SRGAP3: variants seen among roughly 807,000 people sequenced by gnomAD.
SRGAP3 encodes the protein SLIT-ROBO Rho GTPase-activating protein 3.
In SRGAP3, 39 loss-of-function variants were observed where a neutral mutation model predicts 121.1. The ratio of observed to expected loss-of-function variants is 0.32; its 90% CI spans 0.25 to 0.42. SRGAP3 has a LOEUF of 0.42. Ranked by LOEUF, SRGAP3 falls within the 10% of genes least tolerant of loss-of-function variation. The probability of loss-of-function intolerance (pLI) is 1.00; values close to 1 mark genes in which losing one functional copy is unlikely to be tolerated. For missense variants in SRGAP3, 1,213 were observed against 1,470.6 expected (o/e 0.82, Z 2.86); for synonymous variants, 601 against 570.0 (o/e 1.05, Z -0.77).
intron 10 of SRGAP3, among the ~76,000 whole-genome samples, chr3:9,041,521 T>C (rs942088193): frequency 7.2e-5 from 11 of 152,258 alleles, no homozygotes; most frequent in African/African-American, 2.4e-4. Context: ...TTTAACTCTT[T>C]TATCAACTCA....
intron 3 of SRGAP3, among the ~76,000 whole-genome samples, chr3:9,267,584 C>T (rs919904718): frequency 7.2e-5 from 11 of 152,174 alleles, no homozygotes; most frequent in Admixed American, 4.6e-4. Flanking sequence ...CTCTGAGAAG[C>T]TGAGTCCTGT....
At chr3:9,054,141 C>G (rs561611106) in intron 8 of SRGAP3, among the ~76,000 whole-genome samples, 7 of 152,242 alleles carry the variant, frequency 4.6e-5, no homozygotes, top group African/African-American at 1.7e-4. Context: ...AATTCTAAGC[C>G]CCCAGCCATC....
At chr3:9,277,909 G>C (rs1954613364) in intron 3 of SRGAP3, among the ~76,000 whole-genome samples, 2 of 152,190 alleles carry the variant, frequency 1.3e-5, no homozygotes, top group Non-Finnish European at 2.9e-5. Context: ...GCTCAAGGGG[G>C]TGAAGCCCTC....
At chr3:9,343,624 A>T (rs929570771) in intron 1 of SRGAP3, among the ~76,000 whole-genome samples, 9 of 152,202 alleles carry the variant, frequency 5.9e-5, no homozygotes, top group Non-Finnish European at 1.3e-4. Flanking sequence ...ATGAATAGGC[A>T]TACATCTTTA....
chr3:9,008,866 C>T (rs190382371), intron 18 of SRGAP3, among the ~76,000 whole-genome samples: 1 of 152,120 alleles, frequency 6.6e-6, no homozygotes, highest in South Asian at 2.1e-4. Context: ...CACCCCAGGA[C>T]CTCTCTTGGA....
chr3:9,328,764 C>T (rs1001697115), intron 2 of SRGAP3, among the ~76,000 whole-genome samples: 1 of 152,220 alleles, frequency 6.6e-6, no homozygotes, highest in Admixed American at 6.5e-5. Context: ...AAGGGCAGAA[C>T]CTTAGCTACC....
intron 1 of SRGAP3, among the ~76,000 whole-genome samples, chr3:9,205,270 A>AT (rs1341724034): frequency 6.6e-6 from 1 of 152,260 alleles, no homozygotes; most frequent in Non-Finnish European, 1.5e-5. Context: ...CCAAAATAGT[A>AT]TTACTTTAAC....
chr3:9,069,933 C>A (rs995481146), intron 4 of SRGAP3, among the ~76,000 whole-genome samples: 1 of 151,828 alleles, frequency 6.6e-6, no homozygotes, highest in African/African-American at 2.4e-5. Context: ...GGCGACAGAG[C>A]GAGACTCCAT....
rs1309769782 is a variant in SRGAP3 at position 8,983,690 on chromosome 3, C to A, written c.*1829G>T. On this transcript the variant is annotated 3_prime_UTR_variant, in exon 22 of 22. Coordinates refer to ENST00000383836, the MANE Select transcript of SRGAP3 (RefSeq NM_014850.4). Reference sequence around the variant, plus strand: ...GGGCTCTGATCTAAGACTTACCTTACTAATGATAATCACAAACGCATTGTA... The same window carrying A: ...GGGCTCTGATCTAAGACTTACCTTAATAATGATAATCACAAACGCATTGTA... The A allele has an allele frequency of 4.3e-6, 1 of 231,118 alleles. No homozygotes were observed. Among genetic ancestry groups the A allele is most frequent in the Non-Finnish European group, 8.6e-6 (1 of 116,820 alleles). 14.3% of individuals were successfully genotyped at this position (231,118 alleles called of 1,614,324 possible). A position where few individuals can be genotyped will look rare whatever the true frequency, so the allele number is the denominator to read the frequency against.
intron 1 of SRGAP3, among the ~76,000 whole-genome samples, chr3:9,175,007 G>C (rs1026169445): frequency 2.6e-5 from 4 of 152,158 alleles, no homozygotes; most frequent in African/African-American, 9.7e-5. Flanking sequence ...AGCACTCAGT[G>C]CATGCAGGCA....
At chr3:9,280,695 A>G (rs1954659255) in intron 3 of SRGAP3, among the ~76,000 whole-genome samples, 1 of 152,244 alleles carries the variant, frequency 6.6e-6, no homozygotes, top group East Asian at 1.9e-4. Flanking sequence ...TGACTCTGCA[A>G]TGCCGGATAT....
At chr3:9,043,589 T>A (rs983654495) in intron 10 of SRGAP3, among the ~76,000 whole-genome samples, 12 of 152,038 alleles carry the variant, frequency 7.9e-5, no homozygotes, top group African/African-American at 2.7e-4. Context: ...ACATTCCAGC[T>A]CTCAAGAATC....
At position 9,006,410 on chromosome 3, in the gene SRGAP3, A is replaced by AAAGAAAAGAAAAG. The variant is rs1297112569; in HGVS notation, c.2227+3897_2227+3898insCTTTTCTTTTCTT. Among the ~76,000 whole-genome samples the AAAGAAAAGAAAAG allele has an allele frequency of 2.7e-3, 406 of 151,434 alleles. 6 individuals are homozygous for AAAGAAAAGAAAAG. Among genetic ancestry groups the AAAGAAAAGAAAAG allele is most frequent in the African/African-American group, 9.5e-3 (389 of 41,046 alleles). ...CGAGACTCTGTCTCAAAAAAAAAAA[A>AAAGAAAAGAAAAG]AAAAGAAAAGAAAAGGAGTGGCTAT... On this transcript the variant is annotated intron_variant, in intron 18 of 21. Transcript: ENST00000383836.
At chr3:9,136,861 C>A (rs1406924230) in intron 1 of SRGAP3, among the ~76,000 whole-genome samples, 1 of 152,198 alleles carries the variant, frequency 6.6e-6, no homozygotes, top group Non-Finnish European at 1.5e-5. Context: ...TTCTGCAGTG[C>A]CAAAAGCTGG....
At chr3:8,987,325 G>A (rs935328673) in intron 21 of SRGAP3, among the ~76,000 whole-genome samples, 1 of 152,240 alleles carries the variant, frequency 6.6e-6, no homozygotes, top group African/African-American at 2.4e-5. Context: ...AGGGCACCAT[G>A]AGGGATACTG....
At chr3:9,077,537 G>A (rs2125255589) in intron 4 of SRGAP3, among the ~76,000 whole-genome samples, 1 of 152,322 alleles carries the variant, frequency 6.6e-6, no homozygotes, top group African/African-American at 2.4e-5. Context: ...CTCTTCCAAA[G>A]GAGAGAGCTA....
intron 3 of SRGAP3, among the ~76,000 whole-genome samples, chr3:9,302,747 G>A (rs1273440399): frequency 6.6e-6 from 1 of 152,114 alleles, no homozygotes; most frequent in African/African-American, 2.4e-5. Flanking sequence ...ATCCTATCCC[G>A]GGGGAAGAGC....
chr3:8,993,317 C>A (rs551173415), intron 19 of SRGAP3, among the ~76,000 whole-genome samples: 3 of 152,304 alleles, frequency 2.0e-5, no homozygotes, highest in Admixed American at 2.0e-4. Flanking sequence ...TTGTTCATTC[C>A]CAGGCAGCTC....
At chr3:9,203,323 C>T (rs1210887199) in intron 1 of SRGAP3, among the ~76,000 whole-genome samples, 1 of 152,232 alleles carries the variant, frequency 6.6e-6, no homozygotes, top group Non-Finnish European at 1.5e-5. Flanking sequence ...CACTTAGGTG[C>T]TGGGCACCCT....
Sources: allele counts gnomAD v4.1 joint callset (sites outside exome capture counted in the v4.1 genomes callset), GRCh38; gene constraint gnomAD v4.1.1; transcripts MANE v1.5; gene names NCBI Gene and HGNC (gene_info 2026-07-23, HGNC 2026-07-21).